The following PANK4 variants were observed in gnomAD, a reference collection of about 807,000 sequenced individuals.
PANK4 encodes the protein pantothenate kinase 4 (inactive).
PANK4 carries 40 observed loss-of-function variants against 87.9 expected under a neutral mutation model. The observed-to-expected ratio is 0.46, with a 90% CI of 0.35 to 0.59. The LOEUF (loss-of-function observed/expected upper bound fraction) is 0.59. Among genes scored for constraint, PANK4 ranks in the 20% least tolerant of loss-of-function variants. PANK4 has a pLI of 0.00. For missense variants in PANK4, 926 were observed against 1,072.3 expected (o/e 0.86, Z 1.90); for synonymous variants, 524 against 467.4 (o/e 1.12, Z -1.56).
rs1419076637 is a variant in PANK4 at position 2,509,313 on chromosome 1, C to T, written c.2109-253G>A. Among the ~76,000 whole-genome samples, 1 of 152,182 alleles carries T rather than the reference C, an allele frequency of 6.6e-6. No individual in the cohort carries two copies. Among genetic ancestry groups the T allele is most frequent in the African/African-American group, 2.4e-5 (1 of 41,426 alleles). On this transcript the variant is annotated intron_variant, in intron 18 of 18. Transcript: ENST00000378466. The surrounding 1 kb of genome is among the most constrained non-coding windows in gnomAD (Gnocchi z 4.9). ...TCCTGTGAACTCTAGGGATGGATTCCTTGTCATTTTCACGCCCTCCTTGTT... is the reference window on the plus strand; with the variant it reads ...TCCTGTGAACTCTAGGGATGGATTCTTTGTCATTTTCACGCCCTCCTTGTT...
At chr1:2,521,506 G>A (rs555889822) in intron 2 of PANK4, 191 bp from the exon 3 acceptor site, 2 of 687,150 alleles carry the variant, frequency 2.9e-6, no homozygotes, top group Non-Finnish European at 5.2e-6. Context: ...AGGAGCGGAA[G>A]CCTCTCCCGG....
At chr1:2,522,319 C>G (rs77521125) in intron 1 of PANK4, among the ~76,000 whole-genome samples, 1,657 of 152,328 alleles carry the variant, frequency 0.011, 22 homozygotes, top group Middle Eastern at 0.034. Context: ...GTGCCGCTGG[C>G]TACTCTTGAG....
rs552500500 is a variant in PANK4, at chr1:2,517,799, G to A, written c.1218+365C>T. ...AGCGCGCAGTCCTAGGCAGGGCCCTGGGTGGCTCCTGCGGTTTCGGGTTTC... is the reference window on the plus strand; with the variant it reads ...AGCGCGCAGTCCTAGGCAGGGCCCTAGGTGGCTCCTGCGGTTTCGGGTTTC... On this transcript the variant is annotated intron_variant, in intron 9 of 18. Transcript: ENST00000378466. Among the ~76,000 whole-genome samples the A allele has an allele frequency of 2.6e-5, 4 of 152,344 alleles. No individual in the cohort carries two copies. The South Asian group carries it at 8.3e-4, about 32-fold the overall frequency.
In PANK4 at chr1:2,519,971, G is replaced by A. The variant is rs773312130; in HGVS notation, c.700-17C>T. ...GTCAAACTTCTGCAGGACACGGCGA[G>A]GGGGCGGGTGAGGCGCCAGGAGCTG... On this transcript the variant is annotated splice_polypyrimidine_tract_variant and intron_variant, in intron 5 of 18. Coordinates refer to ENST00000378466, the MANE Select transcript of PANK4 (RefSeq NM_018216.4). This position sits in a 1 kb window ranked among gnomAD's most constrained non-coding sequence, Gnocchi z 8.3. The A allele has an allele frequency of 5.5e-5, 84 of 1,534,470 alleles. No individual in the cohort carries two copies. Among genetic ancestry groups the A allele is most frequent in the Non-Finnish European group, 7.0e-5 (79 of 1,135,148 alleles).
Position 2,519,711 on chromosome 1 carries a change from G to A in PANK4, c.853+90C>T. 2 of 1,336,304 alleles carry A rather than the reference G, an allele frequency of 1.5e-6. No homozygotes were observed. Among genetic ancestry groups the A allele is most frequent in the Non-Finnish European group, 2.0e-6 (2 of 994,604 alleles). 82.8% of individuals were successfully genotyped at this position (1,336,304 alleles called of 1,614,324 possible). The stretch of plus-strand genomic sequence containing the variant: ...CCCCGACTCTCCAGGGAGCAGTTGT[G>A]GGAAAGCAATGGTGGGGGAAGCTCC... On this transcript the variant is annotated intron_variant, in intron 6 of 18. Transcript: ENST00000378466. The surrounding 1 kb of genome is among the most constrained non-coding windows in gnomAD (Gnocchi z 8.3).
Position 2,520,006 on chromosome 1 carries a change from C to T in PANK4, c.700-52G>A, listed in dbSNP as rs535926169. ...GAGGCGCCAGGAGCTGCTGGAATCC[C>T]CACGACCCCAGAAACCAAGCCCATG... On this transcript the variant is annotated intron_variant, in intron 5 of 18. Transcript: ENST00000378466. This position sits in a 1 kb window ranked among gnomAD's most constrained non-coding sequence, Gnocchi z 6.2. 2 of 1,491,836 alleles carry T rather than the reference C, an allele frequency of 1.3e-6. No individual in the cohort carries two copies. The highest frequency in any genetic ancestry group is 2.5e-5 in the South Asian group (2 of 79,032). 92.4% of individuals were successfully genotyped at this position (1,491,836 alleles called of 1,614,324 possible).
Position 2,520,406 on chromosome 1 carries a change from C to T in PANK4, c.615G>A (p.Thr205=), listed in dbSNP as rs779439660. 2.0e-5 allele frequency: 32 copies of T among 1,612,644 alleles called. No individual in the cohort carries two copies. Among genetic ancestry groups the T allele is most frequent in the South Asian group, 8.8e-5 (8 of 91,090 alleles). The change falls in exon 5 of 19, where the codon ACG becomes ACA. Residue 205 remains threonine (T), a synonymous_variant. Transcript: ENST00000378466. This position sits in a 1 kb window ranked among gnomAD's most constrained non-coding sequence, Gnocchi z 6.2. ...GSGVSIVKVE[T]EDRFEWVGGS... ...CGCCGACCCACTCGAACCTGTCCTCCGTCTCCACCTGCAACAGAGCCAGGG... is the reference window on the plus strand; with the variant it reads ...CGCCGACCCACTCGAACCTGTCCTCTGTCTCCACCTGCAACAGAGCCAGGG...
chr1:2,521,078 T>A, intron 3 of PANK4, 23 bp downstream of exon 3: 1 of 1,596,826 alleles, frequency 6.3e-7, no homozygotes, highest in Non-Finnish European at 8.6e-7. Flanking sequence ...TGTTCCTTTC[T>A]CGCCCTTGAG....
intron 9 of PANK4, among the ~76,000 whole-genome samples, chr1:2,517,587 T>C (rs1468284078): frequency 6.6e-6 from 1 of 152,210 alleles, no homozygotes; most frequent in African/African-American, 2.4e-5. Context: ...ACGCAGGTCC[T>C]GGCGGGGGAC....
At position 2,520,261 on chromosome 1, in the gene PANK4, C is replaced by T. The variant is rs183528162; in HGVS notation, c.699+61G>A. 6.0e-5 allele frequency: 90 copies of T among 1,502,642 alleles called. No individual in the cohort carries two copies. The African/African-American group carries it at 1.1e-3, about 18-fold the overall frequency. 93.1% of individuals were successfully genotyped at this position (1,502,642 alleles called of 1,614,324 possible). ...TTTGCACCGCCCAGCTGCAGGCCTT[C>T]GGGGGAAGGAAGCAGACATCTCCGC... On this transcript the variant is annotated intron_variant, in intron 5 of 18. Coordinates refer to ENST00000378466, the MANE Select transcript of PANK4 (RefSeq NM_018216.4). The surrounding 1 kb of genome is among the most constrained non-coding windows in gnomAD (Gnocchi z 6.2).
chr1:2,516,311 G>A (rs1441803236), intron 9 of PANK4, among the ~76,000 whole-genome samples: 1 of 152,106 alleles, frequency 6.6e-6, no homozygotes, highest in African/African-American at 2.4e-5. Flanking sequence ...GTCCATGAAG[G>A]ACTATGGCAG....
At position 2,510,321 on chromosome 1, in the gene PANK4, C is replaced by G; in HGVS notation, c.1939-164G>C. ...GCAGGGACCTCGCCTGACCTTGCCACTCTGTGGCCCCTGGGAGGGAGCTGA... is the reference window on the plus strand; with the variant it reads ...GCAGGGACCTCGCCTGACCTTGCCAGTCTGTGGCCCCTGGGAGGGAGCTGA... On this transcript the variant is annotated intron_variant, in intron 16 of 18. Transcript: ENST00000378466. This position sits in a 1 kb window ranked among gnomAD's most constrained non-coding sequence, Gnocchi z 4.9. 1.6e-6 allele frequency: 1 copy of G among 633,778 alleles called. No homozygotes were observed. Among genetic ancestry groups the G allele is most frequent in the Non-Finnish European group, 2.9e-6 (1 of 348,404 alleles). The allele number at this position is 633,778 out of a possible 1,614,324, so 39.3% of individuals were successfully genotyped here. A position where few individuals can be genotyped will look rare whatever the true frequency, so the allele number is the denominator to read the frequency against.
At chr1:2,518,070 G>C (rs1643814548) in intron 9 of PANK4, 94 bp downstream of exon 9, 3 of 701,780 alleles carry the variant, frequency 4.3e-6, no homozygotes, top group African/African-American at 1.8e-5. Flanking sequence ...TTTCAGCCGG[G>C]ACAGCCACAA....
At position 2,520,027 on chromosome 1, in the gene PANK4, C is replaced by A; in HGVS notation, c.700-73G>T. The A allele has an allele frequency of 1.4e-6, 2 of 1,429,884 alleles. No homozygotes were observed. Among genetic ancestry groups the A allele is most frequent in the Middle Eastern group, 2.4e-4 (1 of 4,096 alleles). The allele number at this position is 1,429,884 out of a possible 1,614,324, so 88.6% of individuals were successfully genotyped here. ...ATCCCCACGACCCCAGAAACCAAGCCCATGGCAGGAGGCACGCGCGGGCAG... is the reference window on the plus strand; with the variant it reads ...ATCCCCACGACCCCAGAAACCAAGCACATGGCAGGAGGCACGCGCGGGCAG... On this transcript the variant is annotated intron_variant, in intron 5 of 18. Coordinates refer to ENST00000378466, the MANE Select transcript of PANK4 (RefSeq NM_018216.4). This position sits in a 1 kb window ranked among gnomAD's most constrained non-coding sequence, Gnocchi z 6.2.
intron 12 of PANK4, among the ~76,000 whole-genome samples, chr1:2,513,426 G>A (rs1293059314): frequency 6.6e-6 from 1 of 152,256 alleles, no homozygotes; most frequent in African/African-American, 2.4e-5. Flanking sequence ...GAGGTGGGAG[G>A]AGTCCATGCC....
At chr1:2,511,422 T>G in intron 14 of PANK4, 35 bp from the exon 15 acceptor site, 2 of 1,546,684 alleles carry the variant, frequency 1.3e-6, no homozygotes, top group South Asian at 2.2e-5. Flanking sequence ...ATTAGCCCGG[T>G]GCTCCAGGTC....
chr1:2,514,281 C>G (rs1055662239), intron 11 of PANK4, 73 bp downstream of exon 11: 3 of 1,291,916 alleles, frequency 2.3e-6, no homozygotes, highest in Admixed American at 1.7e-5. Context: ...GCCAACATCA[C>G]GGCACTTTCT....
At chr1:2,513,086 G>A (rs940077880) in intron 12 of PANK4, 47 bp from the exon 13 acceptor site, 3 of 1,545,370 alleles carry the variant, frequency 1.9e-6, no homozygotes, top group Non-Finnish European at 2.6e-6. Flanking sequence ...CGTGGCCTCA[G>A]CCCACCCTGG....
chr1:2,519,763 C>A lies in PANK4; in HGVS notation c.853+38G>T. On this transcript the variant is annotated intron_variant, in intron 6 of 18. Transcript: ENST00000378466. The surrounding 1 kb of genome is among the most constrained non-coding windows in gnomAD (Gnocchi z 8.3). ...GTCCGTGAGACCCCAAGTGTCCCCA[C>A]CATCCTGCTCTCTGGCGGCAGAGGC... 5.2e-6 allele frequency: 8 copies of A among 1,531,056 alleles called. No individual in the cohort carries two copies. The highest frequency in any genetic ancestry group is 7.0e-6 in the Non-Finnish European group (8 of 1,137,912). 94.8% of individuals were successfully genotyped at this position (1,531,056 alleles called of 1,614,324 possible). A position where few individuals can be genotyped will look rare whatever the true frequency, so the allele number is the denominator to read the frequency against.
Sources: allele counts gnomAD v4.1 joint callset (sites outside exome capture counted in the v4.1 genomes callset), GRCh38; gene constraint gnomAD v4.1.1; non-coding constraint Gnocchi (gnomAD v3.1); transcripts MANE v1.5; gene names NCBI Gene and HGNC (gene_info 2026-07-23, HGNC 2026-07-21).